Variants in RCBTB2 observed in about 807,000 individuals in gnomAD.
The protein encoded by RCBTB2 is RCC1 and BTB domain containing protein 2.
RCBTB2 carries 55 observed loss-of-function variants against 65.4 expected under a neutral mutation model. The observed-to-expected ratio is 0.84, with a 90% CI of 0.68 to 1.05. The LOEUF (loss-of-function observed/expected upper bound fraction) is 1.05, where lower values mean the gene tolerates loss of function less well. RCBTB2 is among the 50% of genes least tolerant of loss of function. The pLI is 0.00. For missense variants in RCBTB2, 599 were observed against 680.1 expected (o/e 0.88, Z 1.33); for synonymous variants, 220 against 255.2 (o/e 0.86, Z 1.31).
At chr13:48,527,361 T>TCATATATA in intron 1 of RCBTB2, among the ~76,000 whole-genome samples, 1 of 112,446 alleles carries the variant, frequency 8.9e-6, no homozygotes, top group Non-Finnish European at 1.6e-5. Flanking sequence ...TGATATATAT[T>TCATATATA]TATATATGAT....
chr13:48,518,472 A>AAATAT lies in RCBTB2; in HGVS notation c.43-2732_43-2731insATATT, dbSNP rs1491137365. On this transcript the variant is annotated intron_variant, in intron 4 of 14. Coordinates refer to ENST00000344532, the MANE Select transcript of RCBTB2 (RefSeq NM_001268.4). ...AGAGTACTTTGCAAAAAAAAAAAAAAATATATATATATATATATATATATT... is the reference window on the plus strand; with the variant it reads ...AGAGTACTTTGCAAAAAAAAAAAAAAAATATATATATATATATATATATATATATT... Among the ~76,000 whole-genome samples the AAATAT allele has an allele frequency of 7.5e-3, 877 of 116,520 alleles. 11 individuals are homozygous for AAATAT. Among genetic ancestry groups the AAATAT allele is most frequent in the African/African-American group, 0.021 (561 of 26,514 alleles). 76.4% of individuals were successfully genotyped at this position (116,520 alleles called of 152,430 possible). A position where few individuals can be genotyped will look rare whatever the true frequency, so the allele number is the denominator to read the frequency against.
At chr13:48,515,482 T>A in intron 5 of RCBTB2, 104 bp downstream of exon 5, 1 of 1,369,928 alleles carries the variant, frequency 7.3e-7, no homozygotes, top group Non-Finnish European at 9.9e-7. Flanking sequence ...CTAATTTCCA[T>A]GCTTTTTTTT....
At chr13:48,496,407 G>T in intron 13 of RCBTB2, 86 bp from the exon 14 acceptor site, 1 of 1,340,640 alleles carries the variant, frequency 7.5e-7, no homozygotes, top group Non-Finnish European at 1.0e-6. Flanking sequence ...AGATGATTTT[G>T]ACACTATTTT....
At chr13:48,511,988 T>C in intron 8 of RCBTB2, 28 bp downstream of exon 8, 1 of 1,609,986 alleles carries the variant, frequency 6.2e-7, no homozygotes, top group Non-Finnish European at 8.5e-7. Flanking sequence ...ACACGGTTTT[T>C]AAACAAGATG....
Position 48,496,337 on chromosome 13 carries a change from G to A in RCBTB2, c.1385-16C>T. ...TCTAGCAGTCCTGGCGGAAAGAGGT[G>A]TTTATTAGGGGGAGTGATTTCAAGC... On this transcript the variant is annotated splice_polypyrimidine_tract_variant and intron_variant, in intron 13 of 14. Coordinates refer to ENST00000344532, the MANE Select transcript of RCBTB2 (RefSeq NM_001268.4). The A allele has an allele frequency of 1.3e-6, 2 of 1,524,110 alleles. No individual in the cohort carries two copies. The highest frequency in any genetic ancestry group is 1.8e-6 in the Non-Finnish European group (2 of 1,134,666). 94.4% of individuals were successfully genotyped at this position (1,524,110 alleles called of 1,614,324 possible). A position where few individuals can be genotyped will look rare whatever the true frequency, so the allele number is the denominator to read the frequency against.
chr13:48,535,331 C>A (rs1952350210), upstream of RCBTB2, among the ~76,000 whole-genome samples: 1 of 150,838 alleles, frequency 6.6e-6, no homozygotes, highest in African/African-American at 2.4e-5. Context: ...TCTCAGCTCA[C>A]TGCAACCTCC....
rs539077670 is a variant in RCBTB2 at position 48,502,436 on chromosome 13, C to T, written c.1117+288G>A. Among the ~76,000 whole-genome samples the T allele has an allele frequency of 6.0e-5, 9 of 151,162 alleles. No individual in the cohort carries two copies. In the South Asian group the frequency reaches 1.0e-3, roughly 18 times the overall value. On this transcript the variant is annotated intron_variant, in intron 11 of 14. Transcript: ENST00000344532. ...TGAACCCAGGGGCTGAAGGGTACAG[C>T]GAGTTATGATTGCACCACCGCACTC...
intron 13 of RCBTB2, among the ~76,000 whole-genome samples, chr13:48,496,981 T>C (rs1248555850): frequency 6.6e-6 from 1 of 152,168 alleles, no homozygotes; most frequent in Non-Finnish European, 1.5e-5. Context: ...CCTCCCATTC[T>C]GACCTCAAGC....
At chr13:48,496,154 T>C (rs745736570) in intron 14 of RCBTB2, 37 bp downstream of exon 14, 1 of 1,421,544 alleles carries the variant, frequency 7.0e-7, no homozygotes, top group Non-Finnish European at 9.3e-7. Context: ...GTTCCATTTC[T>C]CCAGGAGGCC....
chr13:48,490,038 T>G lies in RCBTB2; in HGVS notation c.*73A>C, dbSNP rs1269383900. 2 of 1,497,560 alleles carry G rather than the reference T, an allele frequency of 1.3e-6. No individual in the cohort carries two copies. The highest frequency in any genetic ancestry group is 1.7e-5 in the Admixed American group (1 of 58,612). The allele number at this position is 1,497,560 out of a possible 1,614,324, so 92.8% of individuals were successfully genotyped here. On this transcript the variant is annotated 3_prime_UTR_variant, in exon 15 of 15. Coordinates refer to ENST00000344532, the MANE Select transcript of RCBTB2 (RefSeq NM_001268.4). The stretch of plus-strand genomic sequence containing the variant: ...CATAGCTCATCATACATACTATTAA[T>G]TAAAGAGAAGTGATTCATCTCTGGC...
Position 48,522,398 on chromosome 13 carries a change from G to C in RCBTB2, c.-114C>G, listed in dbSNP as rs2138613514. 2 of 1,301,004 alleles carry C rather than the reference G, an allele frequency of 1.5e-6. No individual in the cohort carries two copies. Among genetic ancestry groups the C allele is most frequent in the Non-Finnish European group, 2.1e-6 (2 of 947,402 alleles). The allele number at this position is 1,301,004 out of a possible 1,614,324, so 80.6% of individuals were successfully genotyped here. ...AGCTCCACAGAAGAATATATGATTT[G>C]CTAAGCTGGAAAAAAAAAAGGAGAA... On this transcript the variant is annotated 5_prime_UTR_variant, in exon 3 of 15. Coordinates refer to ENST00000344532, the MANE Select transcript of RCBTB2 (RefSeq NM_001268.4).
At chr13:48,490,690 C>T (rs551386879) in intron 14 of RCBTB2, among the ~76,000 whole-genome samples, 6 of 152,250 alleles carry the variant, frequency 3.9e-5, no homozygotes, top group South Asian at 4.1e-4. Flanking sequence ...AAAGGTAAGC[C>T]ATAAAAAGCA....
chr13:48,533,210 A>T (rs578093815), upstream of RCBTB2: 57 of 338,112 alleles, frequency 1.7e-4, no homozygotes, highest in African/African-American at 1.1e-3. Context: ...GGGGCTGGCG[A>T]CGGCGTCTCG....
chr13:48,529,088 T>G (rs1424021567), intron 1 of RCBTB2, among the ~76,000 whole-genome samples: 1 of 152,230 alleles, frequency 6.6e-6, no homozygotes, highest in African/African-American at 2.4e-5. Context: ...TTCAGTCTTT[T>G]CAGCCACACA....
intron 4 of RCBTB2, among the ~76,000 whole-genome samples, chr13:48,517,533 T>C (rs1951159122): frequency 6.6e-6 from 1 of 152,224 alleles, no homozygotes; most frequent in African/African-American, 2.4e-5. Flanking sequence ...GCCAACAGTA[T>C]TAACTTGTAT....
At chr13:48,504,290 T>C (rs527258651) in intron 10 of RCBTB2, 1 of 985,428 alleles carries the variant, frequency 1.0e-6, no homozygotes, top group East Asian at 1.1e-4. Context: ...ACACGGGCAG[T>C]GGCTTCTCTC....
intron 4 of RCBTB2, among the ~76,000 whole-genome samples, chr13:48,521,603 T>A (rs1003967860): frequency 4.6e-5 from 7 of 152,228 alleles, no homozygotes; most frequent in African/African-American, 1.7e-4. Flanking sequence ...ACTCATAGCC[T>A]CTTGCAGGCC....
At chr13:48,521,002 G>T (rs1364191389) in intron 4 of RCBTB2, among the ~76,000 whole-genome samples, 3 of 151,868 alleles carry the variant, frequency 2.0e-5, no homozygotes, top group South Asian at 4.1e-4. Context: ...ATATATATTT[G>T]TATATGTTCA....
chr13:48,509,645 A>G (rs1950681050), intron 10 of RCBTB2, among the ~76,000 whole-genome samples: 1 of 152,234 alleles, frequency 6.6e-6, no homozygotes, highest in African/African-American at 2.4e-5. Context: ...TATTTAACCT[A>G]TAAAATTAAC....
Sources: gnomAD v4.1 joint callset for allele counts (sites outside exome capture counted in the v4.1 genomes callset) on GRCh38, gnomAD v4.1.1 for gene constraint, MANE v1.5 for transcripts, NCBI Gene and HGNC (gene_info 2026-07-23, HGNC 2026-07-21) for gene names.